The following SNTG1 variants were observed in gnomAD, a reference collection of about 807,000 sequenced individuals.
SNTG1 encodes gamma-1-syntrophin.
In SNTG1, 39 loss-of-function variants were observed where a neutral mutation model predicts 74.7. The observed-to-expected ratio is 0.52, with a 90% confidence interval of 0.40 to 0.68. The LOEUF (loss-of-function observed/expected upper bound fraction) is 0.68. Among genes scored for constraint, SNTG1 ranks in the 30% least tolerant of loss-of-function variants. The probability of loss-of-function intolerance (pLI) is 0.00; values close to 1 mark genes in which losing one functional copy is unlikely to be tolerated. For missense variants in SNTG1, 685 were observed against 609.5 expected, an observed-to-expected ratio of 1.12 and a Z score of -1.30; for synonymous variants, 254 against 217.1, an observed-to-expected ratio of 1.17 and a Z score of -1.49.
In SNTG1 at chr8:50,549,372, A is replaced by T. The variant is rs1441638312; in HGVS notation, c.681-3678A>T. On this transcript the variant is annotated intron_variant, in intron 11 of 18. Transcript: ENST00000642720. ...TTATTTCTTTCTTTCCTTCAATAAC[A>T]TCCCCCTACCAATTAAGTGATAATG... 2.6e-5 allele frequency among the ~76,000 whole-genome samples: 4 copies of T among 152,190 alleles called. No individual in the cohort carries two copies. In the East Asian group the frequency reaches 7.7e-4, roughly 29 times the overall value.
intron 17 of SNTG1, among the ~76,000 whole-genome samples, chr8:50,747,126 T>A (rs2095556829): frequency 6.6e-6 from 1 of 151,808 alleles, no homozygotes; most frequent in South Asian, 2.1e-4. Context: ...ATTATAAAAC[T>A]ATTAGCTCCA....
intron 2 of SNTG1, among the ~76,000 whole-genome samples, chr8:50,248,044 A>G (rs191977197): frequency 1.3e-3 from 197 of 151,988 alleles, no homozygotes; most frequent in Non-Finnish European, 1.5e-4. Flanking sequence ...TCTTCCCTCC[A>G]TTTGTGTCTT....
At chr8:50,331,210 C>T (rs1587166818) in intron 2 of SNTG1, among the ~76,000 whole-genome samples, 1 of 152,240 alleles carries the variant, frequency 6.6e-6, no homozygotes, top group East Asian at 1.9e-4. Flanking sequence ...GGTGGGCAGA[C>T]ACATGTGGTA....
At chr8:50,126,785 A>G (rs2081154539) in intron 1 of SNTG1, among the ~76,000 whole-genome samples, 1 of 152,120 alleles carries the variant, frequency 6.6e-6, no homozygotes, top group Non-Finnish European at 1.5e-5. Flanking sequence ...AGAAAGGCAG[A>G]CAAAACAAAA....
intron 1 of SNTG1, among the ~76,000 whole-genome samples, chr8:50,013,242 G>A (rs1416194284): frequency 6.6e-6 from 1 of 152,008 alleles, no homozygotes; most frequent in Non-Finnish European, 1.5e-5. Context: ...GTGATAAAAA[G>A]TTTATTAAAT....
At chr8:49,987,742 G>T (rs1165563310) in intron 1 of SNTG1, among the ~76,000 whole-genome samples, 1 of 144,768 alleles carries the variant, frequency 6.9e-6, no homozygotes, top group Non-Finnish European at 1.5e-5. Context: ...TCTGCCTCCC[G>T]GGTTCAAGCC....
At chr8:50,005,818 C>G (rs574155670) in intron 1 of SNTG1, among the ~76,000 whole-genome samples, 1 of 151,958 alleles carries the variant, frequency 6.6e-6, no homozygotes, top group South Asian at 2.1e-4. Context: ...GTATTTTTCT[C>G]TCTACTGTTT....
chr8:50,626,149 T>C (rs2094954854), intron 13 of SNTG1, among the ~76,000 whole-genome samples: 1 of 152,222 alleles, frequency 6.6e-6, no homozygotes, highest in Non-Finnish European at 1.5e-5. Flanking sequence ...GGCATTACTA[T>C]GTTTATGAGA....
intron 8 of SNTG1, among the ~76,000 whole-genome samples, chr8:50,453,598 T>C (rs886244866): frequency 9.2e-5 from 14 of 152,226 alleles, no homozygotes; most frequent in African/African-American, 3.4e-4. Flanking sequence ...AACTTTTCTA[T>C]CACTCTATTA....
At chr8:50,753,472 C>T (rs72645833) in intron 18 of SNTG1, among the ~76,000 whole-genome samples, 17,934 of 151,888 alleles carry the variant, frequency 0.12, 1,116 homozygotes, top group African/African-American at 0.15. Flanking sequence ...TTGCTGACAG[C>T]GGTACAGTAT....
intron 2 of SNTG1, among the ~76,000 whole-genome samples, chr8:50,258,815 C>T (rs1246491038): frequency 6.6e-6 from 1 of 152,020 alleles, no homozygotes. Flanking sequence ...CATAAACTTA[C>T]ACATAATGAG....
chr8:50,252,244 T>C (rs76494361), intron 2 of SNTG1, among the ~76,000 whole-genome samples: 2,651 of 152,134 alleles, frequency 0.017, 70 homozygotes, highest in African/African-American at 0.051. Flanking sequence ...AATAAACATC[T>C]ACATCAAAAC....
intron 5 of SNTG1, among the ~76,000 whole-genome samples, chr8:50,442,752 C>A (rs1372030950): frequency 2.7e-5 from 4 of 149,566 alleles, no homozygotes; most frequent in Non-Finnish European, 4.4e-5. Flanking sequence ...AACAAAAAGC[C>A]CTATCTGGGC....
chr8:49,989,657 A>G (rs1274659715), intron 1 of SNTG1, among the ~76,000 whole-genome samples: 1 of 151,952 alleles, frequency 6.6e-6, no homozygotes, highest in Non-Finnish European at 1.5e-5. Context: ...AAAGAAAACT[A>G]CATCCCCCTG....
At chr8:50,328,035 C>T (rs1017334625) in intron 2 of SNTG1, among the ~76,000 whole-genome samples, 1 of 151,950 alleles carries the variant, frequency 6.6e-6, no homozygotes, top group Non-Finnish European at 1.5e-5. Context: ...CACATTGTTG[C>T]TATTATTATT....
chr8:50,272,884 G>A (rs929438631), intron 2 of SNTG1, among the ~76,000 whole-genome samples: 1 of 145,436 alleles, frequency 6.9e-6, no homozygotes, highest in African/African-American at 2.5e-5. Context: ...CTGCAGGTGT[G>A]TGCCACCATG....
intron 13 of SNTG1, among the ~76,000 whole-genome samples, chr8:50,597,388 TACATATA>T (rs2094737562): frequency 1.0e-5 from 1 of 96,370 alleles, no homozygotes; most frequent in African/African-American, 1.6e-4. Context: ...TACACATATA[TACATATA>T]TACATATATA....
chr8:50,341,194 AT>A (rs1316722100), intron 2 of SNTG1, among the ~76,000 whole-genome samples: 1 of 151,748 alleles, frequency 6.6e-6, no homozygotes, highest in Non-Finnish European at 1.5e-5. Flanking sequence ...TTCCATATAT[AT>A]TTTTTCCTAT....
intron 17 of SNTG1, among the ~76,000 whole-genome samples, chr8:50,744,425 G>T (rs1354848179): frequency 2.0e-5 from 3 of 151,810 alleles, no homozygotes; most frequent in African/African-American, 7.3e-5. Flanking sequence ...ATTGATGAAA[G>T]CAATATAAAA....
Sources: gnomAD v4.1 joint callset for allele counts (sites outside exome capture counted in the v4.1 genomes callset) on GRCh38, gnomAD v4.1.1 for gene constraint, MANE v1.5 for transcripts, NCBI Gene and HGNC (gene_info 2026-07-23, HGNC 2026-07-21) for gene names.